EIF4EBP2: variants seen among roughly 807,000 people sequenced by gnomAD.
EIF4EBP2 encodes the protein eukaryotic translation initiation factor 4E-binding protein 2.
A neutral mutation model predicts 10.3 loss-of-function variants in EIF4EBP2; 5 were observed. That is an observed-to-expected ratio of 0.48 (90% confidence interval 0.25 to 1.02). The LOEUF (loss-of-function observed/expected upper bound fraction) is 1.02. EIF4EBP2 is among the 50% of genes least tolerant of loss of function. EIF4EBP2 has a pLI of 0.15. For synonymous variants in EIF4EBP2, 67 were observed against 61.1 expected (o/e 1.10, Z -0.45); for missense variants, 188 against 162.2 (o/e 1.16, Z -0.86).
chr10:70,417,894 A>G (rs1845113604), intron 1 of EIF4EBP2, among the ~76,000 whole-genome samples: 1 of 152,232 alleles, frequency 6.6e-6, no homozygotes, highest in African/African-American at 2.4e-5. Context: ...GAAGGCCATC[A>G]GACCCCCTTT....
In EIF4EBP2 at chr10:70,422,744, T is replaced by C. The variant is rs976343837; in HGVS notation, c.*997T>C. The C allele has an allele frequency of 6.6e-6, 1 of 152,216 alleles. No homozygotes were observed. Among genetic ancestry groups the C allele is most frequent in the Non-Finnish European group, 1.5e-5 (1 of 68,036 alleles). The allele number at this position is 152,216 out of a possible 1,614,324, so 9.4% of individuals were successfully genotyped here. ...GACCCATTTGAGTACCCGGTCTCAG[T>C]CGTCATTTTTAAGTCCAGTGAGCAT... On this transcript the variant is annotated 3_prime_UTR_variant, in exon 3 of 3. Transcript: ENST00000373218.
rs1845212200 is a variant in EIF4EBP2, at chr10:70,427,108, T to C, written c.*5361T>C. On this transcript the variant is annotated 3_prime_UTR_variant, in exon 3 of 3. Coordinates refer to ENST00000373218, the MANE Select transcript of EIF4EBP2 (RefSeq NM_004096.5). ...CTTGAGCGAGGAAGCCACACTGCCT[T>C]TCTGTGTCTGGTTCAGAGCTCTTCC... is the stretch of plus-strand genomic sequence containing the variant. 6.6e-6 allele frequency: 1 copy of C among 152,214 alleles called. No individual in the cohort carries two copies. The highest frequency in any genetic ancestry group is 2.1e-4 in the South Asian group (1 of 4,820). The allele number at this position is 152,214 out of a possible 1,614,324, so 9.4% of individuals were successfully genotyped here. A position where few individuals can be genotyped will look rare whatever the true frequency, so the allele number is the denominator to read the frequency against.
In EIF4EBP2 at chr10:70,412,327, G is replaced by A. The variant is rs147529736; in HGVS notation, c.146-7587G>A. On this transcript the variant is annotated intron_variant, in intron 1 of 2. Transcript: ENST00000373218. ...TTCGTTCTCCAGGCTGTCTATTTGC[G>A]TGAGTAAATGGTTAATTCTAATTCT... Among the ~76,000 whole-genome samples, 10 of 140,744 alleles carry A rather than the reference G, an allele frequency of 7.1e-5. No homozygotes were observed. The South Asian group carries it at 7.3e-4, about 10-fold the overall frequency. The allele number at this position is 140,744 out of a possible 152,430, so 92.3% of individuals were successfully genotyped here.
At position 70,422,727 on chromosome 10, in the gene EIF4EBP2, T is replaced by G. The variant is rs1845171005; in HGVS notation, c.*980T>G. ...GACCGCTGAAGAACGTTGACCCATT[T>G]GAGTACCCGGTCTCAGTCGTCATTT... is the stretch of plus-strand genomic sequence containing the variant. On this transcript the variant is annotated 3_prime_UTR_variant, in exon 3 of 3. Coordinates refer to ENST00000373218, the MANE Select transcript of EIF4EBP2 (RefSeq NM_004096.5). 1 of 152,250 alleles carries G rather than the reference T, an allele frequency of 6.6e-6. No individual in the cohort carries two copies. The highest frequency in any genetic ancestry group is 2.1e-4 in the South Asian group (1 of 4,834). The allele number at this position is 152,250 out of a possible 1,614,324, so 9.4% of individuals were successfully genotyped here.
At chr10:70,418,291 C>T (rs1280072101) in intron 1 of EIF4EBP2, among the ~76,000 whole-genome samples, 1 of 152,230 alleles carries the variant, frequency 6.6e-6, no homozygotes, top group African/African-American at 2.4e-5. Context: ...TGTTGGACTT[C>T]TAGCCTCCAG....
chr10:70,422,037 A>G lies in EIF4EBP2; in HGVS notation c.*290A>G. On this transcript the variant is annotated 3_prime_UTR_variant, in exon 3 of 3. Coordinates refer to ENST00000373218, the MANE Select transcript of EIF4EBP2 (RefSeq NM_004096.5). ...CTTAGAGGAAAACAGTTCAACTCTG[A>G]CTTTCCTAGTTGTTTTTTTATTGAG... is the stretch of plus-strand genomic sequence containing the variant. 1 of 403,812 alleles carries G rather than the reference A, an allele frequency of 2.5e-6. No homozygotes were observed. The highest frequency in any genetic ancestry group is 3.7e-5 in the East Asian group (1 of 27,332). 25.0% of individuals were successfully genotyped at this position (403,812 alleles called of 1,614,324 possible). A position where few individuals can be genotyped will look rare whatever the true frequency, so the allele number is the denominator to read the frequency against.
Position 70,427,446 on chromosome 10 carries a change from C to G in EIF4EBP2, c.*5699C>G, listed in dbSNP as rs1845215086. On this transcript the variant is annotated 3_prime_UTR_variant, in exon 3 of 3. Coordinates refer to ENST00000373218, the MANE Select transcript of EIF4EBP2 (RefSeq NM_004096.5). ...GTTTTCCAGTTTAGTAGTGGAGTTT[C>G]TTGAGGCTAACTTACAGAAATTTCT... 6.6e-6 allele frequency: 1 copy of G among 152,128 alleles called. No individual in the cohort carries two copies. The highest frequency in any genetic ancestry group is 1.5e-5 in the Non-Finnish European group (1 of 68,010). The allele number at this position is 152,128 out of a possible 1,614,324, so 9.4% of individuals were successfully genotyped here.
Position 70,428,433 on chromosome 10 carries a change from TG to T in EIF4EBP2, c.*6687del, listed in dbSNP as rs1444704377. The T allele has an allele frequency of 6.6e-6, 1 of 152,038 alleles. No homozygotes were observed. The highest frequency in any genetic ancestry group is 1.5e-5 in the Non-Finnish European group (1 of 68,018). 9.4% of individuals were successfully genotyped at this position (152,038 alleles called of 1,614,324 possible). ...CCCTCATCCCTCCCATCCATTTCAC[TG>T]TGTGTGGATGGATAGCAGAGGGTAC... On this transcript the variant is annotated 3_prime_UTR_variant, in exon 3 of 3. Coordinates refer to ENST00000373218, the MANE Select transcript of EIF4EBP2 (RefSeq NM_004096.5).
At chr10:70,417,415 T>G (rs921210034) in intron 1 of EIF4EBP2, among the ~76,000 whole-genome samples, 1 of 152,104 alleles carries the variant, frequency 6.6e-6, no homozygotes, top group Non-Finnish European at 1.5e-5. Flanking sequence ...TAAAATTGAT[T>G]ATGGTGATGA....
chr10:70,418,137 C>T (rs747908699), intron 1 of EIF4EBP2, among the ~76,000 whole-genome samples: 6 of 152,158 alleles, frequency 3.9e-5, no homozygotes, highest in African/African-American at 7.2e-5. Flanking sequence ...GTGGGACCCT[C>T]ATGATGGGAT....
At chr10:70,410,256 G>C (rs1377397705) in intron 1 of EIF4EBP2, among the ~76,000 whole-genome samples, 2 of 152,194 alleles carry the variant, frequency 1.3e-5, no homozygotes, top group Admixed American at 6.5e-5. Context: ...TTTTAGTAGA[G>C]ATGGGGTTTT....
chr10:70,407,713 T>A (rs1209768273), intron 1 of EIF4EBP2, among the ~76,000 whole-genome samples: 2 of 109,844 alleles, frequency 1.8e-5, no homozygotes. Flanking sequence ...GCCGCTCACC[T>A]CCCGGGCGGG....
intron 1 of EIF4EBP2, among the ~76,000 whole-genome samples, chr10:70,416,435 C>T (rs1186912324): frequency 6.6e-6 from 1 of 151,856 alleles, no homozygotes; most frequent in Non-Finnish European, 1.5e-5. Context: ...AAAAATTAGC[C>T]GGGCATGGTA....
At position 70,425,783 on chromosome 10, in the gene EIF4EBP2, G is replaced by A. The variant is rs1845200643; in HGVS notation, c.*4036G>A. 1 of 152,228 alleles carries A rather than the reference G, an allele frequency of 6.6e-6. No homozygotes were observed. The highest frequency in any genetic ancestry group is 6.5e-5 in the Admixed American group (1 of 15,280). The allele number at this position is 152,228 out of a possible 1,614,324, so 9.4% of individuals were successfully genotyped here. On this transcript the variant is annotated 3_prime_UTR_variant, in exon 3 of 3. Transcript: ENST00000373218. ...CACTAAACCTGTCTTATTTGGAATG[G>A]GGATTGTCCAGCAAAGGGAGCAAAC... is the stretch of plus-strand genomic sequence containing the variant.
intron 1 of EIF4EBP2, among the ~76,000 whole-genome samples, chr10:70,417,744 G>T (rs1845112380): frequency 6.6e-6 from 1 of 152,162 alleles, no homozygotes; most frequent in South Asian, 2.1e-4. Flanking sequence ...ACAGAAGTAA[G>T]AATAATCTTG....
At position 70,428,234 on chromosome 10, in the gene EIF4EBP2, C is replaced by T. The variant is rs759847777; in HGVS notation, c.*6487C>T. The T allele has an allele frequency of 1.3e-5, 2 of 152,008 alleles. No homozygotes were observed. Among genetic ancestry groups the T allele is most frequent in the Admixed American group, 6.6e-5 (1 of 15,264 alleles). The allele number at this position is 152,008 out of a possible 1,614,324, so 9.4% of individuals were successfully genotyped here. On this transcript the variant is annotated 3_prime_UTR_variant, in exon 3 of 3. Coordinates refer to ENST00000373218, the MANE Select transcript of EIF4EBP2 (RefSeq NM_004096.5). The stretch of plus-strand genomic sequence containing the variant: ...GGTGTCTTGAAGAGCCCAGAGGACA[C>T]TCACGTGCTAAGGTGTCCATTTTAT...
intron 1 of EIF4EBP2, among the ~76,000 whole-genome samples, chr10:70,412,573 G>T (rs987741431): frequency 1.3e-5 from 2 of 152,070 alleles, no homozygotes; most frequent in Non-Finnish European, 2.9e-5. Flanking sequence ...GAAAGAGGCC[G>T]TTACGCTTGA....
chr10:70,415,131 T>C (rs1845080244), intron 1 of EIF4EBP2, among the ~76,000 whole-genome samples: 1 of 150,828 alleles, frequency 6.6e-6, no homozygotes, highest in Non-Finnish European at 1.5e-5. Flanking sequence ...GCCCTCTAGC[T>C]TGGACGACAG....
Position 70,404,257 on chromosome 10 carries a change from G to A in EIF4EBP2, c.-145G>A. ...GCGGCGGCTGAGAGGGCGGCGGCGGGAGCGGAGCGGGACGAGGGAACGGGA... is the reference window on the plus strand; with the variant it reads ...GCGGCGGCTGAGAGGGCGGCGGCGGAAGCGGAGCGGGACGAGGGAACGGGA... On this transcript the variant is annotated 5_prime_UTR_variant, in exon 1 of 3. Transcript: ENST00000373218. 9.4e-7 allele frequency: 1 copy of A among 1,065,166 alleles called. No homozygotes were observed. The highest frequency in any genetic ancestry group is 1.2e-6 in the Non-Finnish European group (1 of 802,608). The allele number at this position is 1,065,166 out of a possible 1,614,324, so 66.0% of individuals were successfully genotyped here. A position where few individuals can be genotyped will look rare whatever the true frequency, so the allele number is the denominator to read the frequency against.
Sources: allele counts gnomAD v4.1 joint callset (sites outside exome capture counted in the v4.1 genomes callset), GRCh38; gene constraint gnomAD v4.1.1; transcripts MANE v1.5; gene names NCBI Gene and HGNC (gene_info 2026-07-23, HGNC 2026-07-21).